The following RORA variants were observed in gnomAD, a reference collection of about 807,000 sequenced individuals.
RORA encodes RAR related orphan receptor A.
In RORA, 7 loss-of-function variants were observed where a neutral mutation model predicts 69.5. The ratio of observed to expected loss-of-function variants is 0.10; its 90% CI spans 0.06 to 0.19. RORA has a LOEUF of 0.19. RORA is among the 10% of genes least tolerant of loss of function. The pLI is 1.00. For synonymous variants in RORA, 261 were observed against 240.8 expected, an observed-to-expected ratio of 1.08 and a Z score of -0.78; for missense variants, 457 against 663.0, an observed-to-expected ratio of 0.69 and a Z score of 3.41.
intron 2 of RORA, among the ~76,000 whole-genome samples, chr15:60,595,409 C>T (rs1171202976): frequency 1.3e-5 from 2 of 151,524 alleles, no homozygotes; most frequent in East Asian, 1.9e-4. Context: ...CTACTACTCG[C>T]GAGGCTGAGG....
At chr15:61,078,032 G>A (rs1006572512) in intron 1 of RORA, among the ~76,000 whole-genome samples, 2 of 152,120 alleles carry the variant, frequency 1.3e-5, no homozygotes, top group African/African-American at 4.8e-5. Context: ...AAGCACTCTT[G>A]TACTGGAAAA....
intron 1 of RORA, among the ~76,000 whole-genome samples, chr15:61,045,683 C>A (rs1896986048): frequency 6.6e-6 from 1 of 151,798 alleles, no homozygotes. Flanking sequence ...CAGGCCCTGG[C>A]CAGGAGTCAG....
chr15:60,995,228 G>T (rs1010476680), intron 1 of RORA, among the ~76,000 whole-genome samples: 1 of 152,148 alleles, frequency 6.6e-6, no homozygotes, highest in Non-Finnish European at 1.5e-5. Flanking sequence ...AGCTGAGCCA[G>T]TGCAGCTGGC....
At chr15:61,010,896 G>T (rs1373082989) in intron 1 of RORA, among the ~76,000 whole-genome samples, 2 of 152,034 alleles carry the variant, frequency 1.3e-5, no homozygotes, top group African/African-American at 4.8e-5. Context: ...CTGGTTCCTT[G>T]GTTCTGTTCT....
chr15:60,665,488 G>A (rs974813961), intron 2 of RORA, among the ~76,000 whole-genome samples: 1 of 152,038 alleles, frequency 6.6e-6, no homozygotes, highest in Non-Finnish European at 1.5e-5. Flanking sequence ...TAAACCTCTC[G>A]ATAAGATTCT....
At chr15:60,860,781 C>A (rs1675499233) in intron 1 of RORA, among the ~76,000 whole-genome samples, 1 of 152,228 alleles carries the variant, frequency 6.6e-6, no homozygotes, top group Non-Finnish European at 1.5e-5. Flanking sequence ...ACTTACTGGG[C>A]ACCCACTGTG....
At chr15:60,512,545 C>T (rs1407440934) in intron 4 of RORA, among the ~76,000 whole-genome samples, 3 of 152,182 alleles carry the variant, frequency 2.0e-5, no homozygotes, top group African/African-American at 7.2e-5. Flanking sequence ...CAGCCTCATC[C>T]TCCCAAAGTG....
At chr15:60,745,244 A>T (rs1223927966) in intron 1 of RORA, among the ~76,000 whole-genome samples, 1 of 152,156 alleles carries the variant, frequency 6.6e-6, no homozygotes, top group Non-Finnish European at 1.5e-5. Flanking sequence ...CCAGGATTCC[A>T]GCAGAATCTC....
At chr15:60,583,452 A>G (rs550316201) in intron 2 of RORA, among the ~76,000 whole-genome samples, 2 of 152,334 alleles carry the variant, frequency 1.3e-5, no homozygotes, top group South Asian at 4.1e-4. Flanking sequence ...TGCTCCTGCT[A>G]AGTGGTCACA....
chr15:60,555,745 A>T (rs937549318), intron 2 of RORA, among the ~76,000 whole-genome samples: 8 of 151,472 alleles, frequency 5.3e-5, no homozygotes, highest in Non-Finnish European at 1.2e-4. Flanking sequence ...AACTGCTTGA[A>T]TTTTTTTTTC....
chr15:60,786,558 C>A lies in RORA; in HGVS notation c.167-107872G>T, dbSNP rs138287595. Among the ~76,000 whole-genome samples, 709 of 152,330 alleles carry A rather than the reference C, an allele frequency of 4.7e-3. 7 individuals carry two copies. Among genetic ancestry groups the A allele is most frequent in the Middle Eastern group, 0.01 (3 of 294 alleles). On this transcript the variant is annotated intron_variant, in intron 1 of 10. Coordinates refer to ENST00000335670, the MANE Select transcript of RORA (RefSeq NM_134261.3). ...GGCTACTCTAGAGAGCTAAAGGACACCAACCTTCTGCCACCAGGGCCAGCC... is the reference window on the plus strand; with the variant it reads ...GGCTACTCTAGAGAGCTAAAGGACAACAACCTTCTGCCACCAGGGCCAGCC...
At chr15:60,697,734 AT>A (rs751352947) in intron 1 of RORA, among the ~76,000 whole-genome samples, 1 of 152,232 alleles carries the variant, frequency 6.6e-6, no homozygotes, top group East Asian at 1.9e-4. Flanking sequence ...TAAATTTCTA[AT>A]TTTTATACTT....
At chr15:60,568,492 G>A (rs1021394878) in intron 2 of RORA, among the ~76,000 whole-genome samples, 1 of 152,198 alleles carries the variant, frequency 6.6e-6, no homozygotes, top group Non-Finnish European at 1.5e-5. Flanking sequence ...GCATACCCCG[G>A]CTCAGTGTGG....
chr15:61,101,431 T>C (rs1291875151), intron 1 of RORA, among the ~76,000 whole-genome samples: 1 of 152,016 alleles, frequency 6.6e-6, no homozygotes, highest in Non-Finnish European at 1.5e-5. Context: ...TTCGAGGCAC[T>C]GGGAACAAGA....
At chr15:61,178,460 A>C (rs1567024429) in intron 1 of RORA, among the ~76,000 whole-genome samples, 1 of 152,136 alleles carries the variant, frequency 6.6e-6, no homozygotes, top group Non-Finnish European at 1.5e-5. Context: ...CTCAAATTCT[A>C]TTTTATGAGC....
intron 2 of RORA, among the ~76,000 whole-genome samples, chr15:60,541,615 C>T (rs2066875425): frequency 6.6e-6 from 1 of 152,184 alleles, no homozygotes; most frequent in South Asian, 2.1e-4. Flanking sequence ...AAAGAGGCAG[C>T]AGAGCTTTGG....
intron 1 of RORA, among the ~76,000 whole-genome samples, chr15:60,808,137 C>T (rs994614841): frequency 6.6e-6 from 1 of 152,112 alleles, no homozygotes; most frequent in Non-Finnish European, 1.5e-5. Context: ...AATTTACAGA[C>T]AATCTACAGA....
chr15:60,972,307 G>C (rs919299538), intron 1 of RORA, among the ~76,000 whole-genome samples: 1 of 152,164 alleles, frequency 6.6e-6, no homozygotes, highest in African/African-American at 2.4e-5. Context: ...AAAACAACAA[G>C]GACAACAACA....
chr15:60,658,181 A>G (rs1488044772), intron 2 of RORA, among the ~76,000 whole-genome samples: 1 of 151,276 alleles, frequency 6.6e-6, no homozygotes, highest in Admixed American at 6.6e-5. Flanking sequence ...CCTGGGTTCC[A>G]GTGATTCTCC....
Sources: allele counts gnomAD v4.1 joint callset (sites outside exome capture counted in the v4.1 genomes callset), GRCh38; gene constraint gnomAD v4.1.1; transcripts MANE v1.5; gene names NCBI Gene and HGNC (gene_info 2026-07-23, HGNC 2026-07-21).